Variants in MYLK4 observed in about 807,000 individuals in gnomAD.
The protein encoded by MYLK4 is myosin light chain kinase family member 4.
In MYLK4, 46 loss-of-function variants were observed where a neutral mutation model predicts 48.1. That is an observed-to-expected ratio of 0.96 (90% CI 0.75 to 1.22). The LOEUF (loss-of-function observed/expected upper bound fraction) is 1.22. MYLK4 is among the 50% of genes most tolerant of loss of function. The pLI, the probability that MYLK4 is intolerant of heterozygous loss-of-function variation, is 0.00. For synonymous variants in MYLK4, 170 were observed against 180.8 expected (o/e 0.94, Z 0.48); for missense variants, 451 against 486.1 (o/e 0.93, Z 0.68).
Position 2,685,194 on chromosome 6 carries a change from G to A in MYLK4, c.545+102C>T. 1 of 804,952 alleles carries A rather than the reference G, an allele frequency of 1.2e-6. No homozygotes were observed. The highest frequency in any genetic ancestry group is 1.5e-5 in the South Asian group (1 of 67,848). 49.9% of individuals were successfully genotyped at this position (804,952 alleles called of 1,614,324 possible). ...CGCGAATCAGAGTCTGCGGGGGCGA[G>A]CTTGGTTCTGGTCCCGCTACAGCAG... On this transcript the variant is annotated intron_variant, in intron 6 of 12. Transcript: ENST00000274643. The surrounding 1 kb of genome is among the most constrained non-coding windows in gnomAD (Gnocchi z 4.5).
At chr6:2,748,224 G>C (rs1050229719) in intron 2 of MYLK4, among the ~76,000 whole-genome samples, 2 of 152,164 alleles carry the variant, frequency 1.3e-5, no homozygotes, top group Non-Finnish European at 2.9e-5. Context: ...AAATAGATCT[G>C]TGCATTCCAA....
intron 2 of MYLK4, among the ~76,000 whole-genome samples, chr6:2,723,133 A>C (rs963860300): frequency 6.6e-6 from 1 of 151,952 alleles, no homozygotes; most frequent in Non-Finnish European, 1.5e-5. Flanking sequence ...CTCTACAAAA[A>C]CTCAAAAAAA....
intron 2 of MYLK4, among the ~76,000 whole-genome samples, chr6:2,748,301 A>C (rs1361012282): frequency 6.6e-6 from 1 of 152,202 alleles, no homozygotes; most frequent in African/African-American, 2.4e-5. Flanking sequence ...AACAAATAAC[A>C]CGAGGTTTCC....
intron 2 of MYLK4, among the ~76,000 whole-genome samples, chr6:2,717,541 C>T (rs1407451247): frequency 6.6e-6 from 1 of 152,168 alleles, no homozygotes; most frequent in Non-Finnish European, 1.5e-5. Context: ...CCCTGGCTCT[C>T]CCGAGATTTG....
At chr6:2,715,457 A>C (rs185438626) in intron 2 of MYLK4, among the ~76,000 whole-genome samples, 73 of 152,256 alleles carry the variant, frequency 4.8e-4, no homozygotes, top group African/African-American at 1.1e-3. Context: ...AATTTCATCT[A>C]TGTTGCTGTT....
the MYLK4 span, among the ~76,000 whole-genome samples, chr6:2,764,024 C>T: frequency 6.6e-6 from 1 of 152,096 alleles, no homozygotes; most frequent in Non-Finnish European, 1.5e-5. Context: ...TCCAGCTACT[C>T]GAGAGGCTGA....
At position 2,699,287 on chromosome 6, in the gene MYLK4, C is replaced by CTTTTTTTTTTTTTTTTTTTTTTTT. The variant is rs56959282; in HGVS notation, c.160-6429_160-6428insAAAAAAAAAAAAAAAAAAAAAAAA. 1.3e-3 allele frequency among the ~76,000 whole-genome samples: 101 copies of CTTTTTTTTTTTTTTTTTTTTTTTT among 77,892 alleles called. 15 individuals carry two copies. The highest frequency in any genetic ancestry group is 3.0e-3 in the East Asian group (6 of 2,032). 51.1% of individuals were successfully genotyped at this position (77,892 alleles called of 152,430 possible). A position where few individuals can be genotyped will look rare whatever the true frequency, so the allele number is the denominator to read the frequency against. Reference sequence around the variant, plus strand: ...CATGCTACCACTTTTCTTTTCTTTTCTTTTTTTTTTTTTTTTTTTTTTGAT... The same window carrying CTTTTTTTTTTTTTTTTTTTTTTTT: ...CATGCTACCACTTTTCTTTTCTTTTCTTTTTTTTTTTTTTTTTTTTTTTTTTTTTTTTTTTTTTTTTTTTTTGAT... On this transcript the variant is annotated intron_variant, in intron 2 of 12. Coordinates refer to ENST00000274643, the MANE Select transcript of MYLK4 (RefSeq NM_001012418.5).
intron 2 of MYLK4, among the ~76,000 whole-genome samples, chr6:2,722,863 CTATA>C (rs1763119516): frequency 6.6e-6 from 1 of 151,992 alleles, no homozygotes; most frequent in African/African-American, 2.4e-5. Context: ...TTTATACATC[CTATA>C]TATAATGTTT....
intron 10 of MYLK4, among the ~76,000 whole-genome samples, chr6:2,676,188 T>C (rs142160735): frequency 6.6e-6 from 1 of 152,132 alleles, no homozygotes; most frequent in Non-Finnish European, 1.5e-5. Context: ...CAAGCAGTAA[T>C]GAAGCTTCAG....
At chr6:2,721,079 T>C (rs2113287651) in intron 2 of MYLK4, among the ~76,000 whole-genome samples, 2 of 152,214 alleles carry the variant, frequency 1.3e-5, no homozygotes, top group Admixed American at 1.3e-4. Context: ...GAGAATCGCT[T>C]GAACTTGGGG....
chr6:2,674,517 G>A (rs1761010541), intron 11 of MYLK4, among the ~76,000 whole-genome samples: 1 of 152,184 alleles, frequency 6.6e-6, no homozygotes, highest in Non-Finnish European at 1.5e-5. Flanking sequence ...ATAATAAACA[G>A]TTATGCTGAA....
At chr6:2,763,002 GAAAGCC>G in the MYLK4 span, among the ~76,000 whole-genome samples, 1 of 152,142 alleles carries the variant, frequency 6.6e-6, no homozygotes, top group African/African-American at 2.4e-5. Flanking sequence ...ACAAGCAAAA[GAAAGCC>G]AAGCGGGTCT....
intron 10 of MYLK4, 103 bp from the exon 11 acceptor site, chr6:2,675,228 C>A (rs970931958): frequency 2.5e-6 from 2 of 799,336 alleles, no homozygotes; most frequent in Non-Finnish European, 4.4e-6. Context: ...GACCAGATGG[C>A]CGAATGTCAA....
the MYLK4 span, chr6:2,770,101 G>C: frequency 1.2e-6 from 2 of 1,612,188 alleles, no homozygotes; most frequent in African/African-American, 1.3e-5. Flanking sequence ...ACTTTTTTCT[G>C]TTTTCCTCCC....
the MYLK4 span, among the ~76,000 whole-genome samples, chr6:2,769,372 C>T: frequency 6.6e-6 from 1 of 151,682 alleles, no homozygotes; most frequent in East Asian, 1.9e-4. Flanking sequence ...AATAAAAGGA[C>T]ACAAGCTATT....
At chr6:2,696,605 A>G (rs1332371319) in intron 2 of MYLK4, among the ~76,000 whole-genome samples, 1 of 152,222 alleles carries the variant, frequency 6.6e-6, no homozygotes, top group Non-Finnish European at 1.5e-5. Flanking sequence ...GTGAGAAATA[A>G]ATGTTTGTTG....
chr6:2,731,751 G>A (rs1441230753), intron 2 of MYLK4, among the ~76,000 whole-genome samples: 2 of 152,154 alleles, frequency 1.3e-5, no homozygotes, highest in African/African-American at 4.8e-5. Context: ...GGTGCTTAAT[G>A]AATACTGGTA....
Position 2,685,643 on chromosome 6 carries a change from T to G in MYLK4, c.342-67A>C, listed in dbSNP as rs1329918888. The stretch of plus-strand genomic sequence containing the variant: ...CAGCTGCCGAGTGGACAGCGCACAG[T>G]GGCCCCAGTATTTCTCCTGCTGAGT... On this transcript the variant is annotated intron_variant, in intron 4 of 12. Transcript: ENST00000274643. The surrounding 1 kb of genome is among the most constrained non-coding windows in gnomAD (Gnocchi z 4.5). 46 of 1,429,170 alleles carry G rather than the reference T, an allele frequency of 3.2e-5. No individual in the cohort carries two copies. In the South Asian group the frequency reaches 5.4e-4, roughly 17 times the overall value. 88.5% of individuals were successfully genotyped at this position (1,429,170 alleles called of 1,614,324 possible).
chr6:2,686,575 A>G (rs1761559663), intron 4 of MYLK4, among the ~76,000 whole-genome samples: 1 of 152,208 alleles, frequency 6.6e-6, no homozygotes, highest in Non-Finnish European at 1.5e-5. Context: ...CACAGTAGGG[A>G]GTGAGGAACA....
Sources: gnomAD v4.1 joint callset for allele counts (sites outside exome capture counted in the v4.1 genomes callset) on GRCh38, gnomAD v4.1.1 for gene constraint, Gnocchi (gnomAD v3.1) non-coding constraint, MANE v1.5 for transcripts, NCBI Gene and HGNC (gene_info 2026-07-23, HGNC 2026-07-21) for gene names.